The following ACACB variants were observed in gnomAD, a reference collection of about 807,000 sequenced individuals.
ACACB encodes the protein acetyl-CoA carboxylase 2.
ACACB carries 209 observed loss-of-function variants against 278.8 expected under a neutral mutation model. The observed-to-expected ratio is 0.75, with a 90% CI of 0.67 to 0.84. The LOEUF (loss-of-function observed/expected upper bound fraction) is 0.84. Among genes scored for constraint, ACACB ranks in the 40% least tolerant of loss-of-function variants. ACACB has a pLI of 0.00. For synonymous variants in ACACB, 1,174 were observed against 1,285.6 expected, an observed-to-expected ratio of 0.91 and a Z score of 1.86; for missense variants, 2,850 against 3,269.0, an observed-to-expected ratio of 0.87 and a Z score of 3.13.
rs377543207 is a variant in ACACB at position 109,215,752 on chromosome 12, C to T, written c.3351-866C>T. 9.2e-5 allele frequency among the ~76,000 whole-genome samples: 14 copies of T among 151,590 alleles called. No individual in the cohort carries two copies. In the East Asian group the frequency reaches 1.4e-3, roughly 15 times the overall value. On this transcript the variant is annotated intron_variant, in intron 22 of 52. Coordinates refer to ENST00000338432, the MANE Select transcript of ACACB (RefSeq NM_001093.4). ...CCGCACTCCAGCCTGGCCGACTGAGCGAGACTCTGTTTCAAAAAAAAAAAT... is the reference window on the plus strand; with the variant it reads ...CCGCACTCCAGCCTGGCCGACTGAGTGAGACTCTGTTTCAAAAAAAAAAAT...
chr12:109,253,903 T>C (rs1196704819), intron 43 of ACACB, among the ~76,000 whole-genome samples: 31 of 152,224 alleles, frequency 2.0e-4, no homozygotes, highest in Admixed American at 2.0e-3. Flanking sequence ...TCTTTTAAGA[T>C]GTTTTTCCTC....
chr12:109,167,651 A>ATATT (rs2043962943), intron 3 of ACACB, among the ~76,000 whole-genome samples: 2 of 140,442 alleles, frequency 1.4e-5, no homozygotes, highest in Non-Finnish European at 3.1e-5. Flanking sequence ...ATATATATAT[A>ATATT]TATTTCAGAC....
Position 109,264,249 on chromosome 12 carries a change from G to C in ACACB, c.6805G>C (p.Asp2269His), listed in dbSNP as rs764352111. The change falls in exon 50 of 53, where the codon GAC (aspartate) becomes CAC (histidine). Residue 2269 changes from aspartate to histidine, a missense_variant. Asp to His is a moderately conservative substitution (Grantham distance 81). This residue lies in a region of ACACB where 579 missense variants were observed against 684.6 expected (regional missense o/e 0.85). Coordinates refer to ENST00000338432, the MANE Select transcript of ACACB (RefSeq NM_001093.4). ...ACCTGCAGGGGAACCTGATCTCTCC[G>C]ACAAGGACCGAAAGGACCTGGAGGG... Reference protein sequence around the residue: ...MEQLGEPDLSDKDRKDLEGRL... With the variant: ...MEQLGEPDLSHKDRKDLEGRL... The C allele has an allele frequency of 1.4e-5, 22 of 1,613,972 alleles. 1 individual carries two copies. The South Asian group carries it at 2.0e-4, about 14-fold the overall frequency.
intron 2 of ACACB, among the ~76,000 whole-genome samples, chr12:109,163,341 C>T (rs946385317): frequency 3.3e-5 from 5 of 152,136 alleles, no homozygotes; most frequent in Non-Finnish European, 5.9e-5. Flanking sequence ...TTAATATCAT[C>T]GTTGAGGTCA....
chr12:109,134,682 G>A (rs1008398080), intron 1 of ACACB, among the ~76,000 whole-genome samples: 1 of 152,188 alleles, frequency 6.6e-6, no homozygotes, highest in African/African-American at 2.4e-5. Context: ...GAGGCAAAAG[G>A]AGACGGGAAG....
chr12:109,170,207 G>A (rs1461349398), intron 4 of ACACB, among the ~76,000 whole-genome samples: 1 of 152,114 alleles, frequency 6.6e-6, no homozygotes, highest in African/African-American at 2.4e-5. Context: ...TGGGACTTCA[G>A]GCATGTACCA....
At chr12:109,250,719 T>A (rs2047072473) in intron 41 of ACACB, among the ~76,000 whole-genome samples, 1 of 152,068 alleles carries the variant, frequency 6.6e-6, no homozygotes, top group African/African-American at 2.4e-5. Context: ...GTAGTAGTAG[T>A]GGTAGTAGTG....
intron 22 of ACACB, among the ~76,000 whole-genome samples, chr12:109,214,753 C>T (rs868576146): frequency 6.6e-6 from 1 of 152,180 alleles, no homozygotes; most frequent in Non-Finnish European, 1.5e-5. Flanking sequence ...TCCTGAGAAA[C>T]TTGACTCCTG....
At chr12:109,214,759 T>C (rs2045944924) in intron 22 of ACACB, among the ~76,000 whole-genome samples, 1 of 152,218 alleles carries the variant, frequency 6.6e-6, no homozygotes, top group South Asian at 2.1e-4. Context: ...GAAACTTGAC[T>C]CCTGTGTTCA....
chr12:109,231,512 C>G (rs1410656711), intron 28 of ACACB, among the ~76,000 whole-genome samples: 1 of 152,122 alleles, frequency 6.6e-6, no homozygotes, highest in Non-Finnish European at 1.5e-5. Flanking sequence ...TGTCGGGGAG[C>G]AGAGGGGCCA....
rs1593566807 is a variant in ACACB, at chr12:109,209,195, A to T, written c.3091A>T (p.Thr1031Ser). Residue 1031 changes from threonine to serine, a missense_variant, in exon 21 of 53, where the codon ACC (threonine) becomes TCC (serine). Transcript: ENST00000338432. ...LKEWVQKLMMTLRHPSLPLLE... is the reference protein window; with the variant it reads ...LKEWVQKLMMSLRHPSLPLLE... ...GGAGTGGGTGCAGAAGCTCATGATGACCCTCCGGCACCCGTCACTGCCGCT... is the reference window on the plus strand; with the variant it reads ...GGAGTGGGTGCAGAAGCTCATGATGTCCCTCCGGCACCCGTCACTGCCGCT... 2 of 1,605,648 alleles carry T rather than the reference A, an allele frequency of 1.2e-6. No individual in the cohort carries two copies. The highest frequency in any genetic ancestry group is 4.5e-5 in the East Asian group (2 of 44,638).
At chr12:109,201,483 C>A in intron 18 of ACACB, 84 bp from the exon 19 acceptor site, 7 of 1,539,684 alleles carry the variant, frequency 4.5e-6, no homozygotes, top group Non-Finnish European at 6.2e-6. Flanking sequence ...CCCGGCGCGT[C>A]CCTGCTCCGG....
intron 1 of ACACB, among the ~76,000 whole-genome samples, chr12:109,124,566 C>G (rs2042631279): frequency 6.6e-6 from 1 of 152,196 alleles, no homozygotes; most frequent in Admixed American, 6.5e-5. Context: ...CGTAAAGTTC[C>G]CTATCACCCT....
intron 1 of ACACB, among the ~76,000 whole-genome samples, chr12:109,121,129 A>G (rs1452096912): frequency 1.3e-5 from 2 of 151,980 alleles, no homozygotes; most frequent in African/African-American, 4.8e-5. Context: ...TAGTAGAAAC[A>G]GGGTTTCACC....
chr12:109,168,057 C>G (rs1254605582), intron 4 of ACACB, 23 bp downstream of exon 4: 2 of 1,588,904 alleles, frequency 1.3e-6, no homozygotes, highest in African/African-American at 2.7e-5. Context: ...TGACCCTCTC[C>G]TCCCATCACG....
At position 109,179,267 on chromosome 12, in the gene ACACB, C is replaced by T. The variant is rs1481490939; in HGVS notation, c.1617C>T (p.Ala539=). 6.2e-7 allele frequency: 1 copy of T among 1,613,824 alleles called. No homozygotes were observed. The highest frequency in any genetic ancestry group is 8.5e-7 in the Non-Finnish European group (1 of 1,180,008). ...KIVEEAPATI[A]PLAIFEFMEQ... ...TTGAGGAAGCACCGGCCACCATCGC[C>T]CCGCTGGCCATATTCGAGTTCATGG... is the stretch of plus-strand genomic sequence containing the variant. The change falls in exon 10 of 53, where the codon GCC becomes GCT. Residue 539 remains alanine (A), a synonymous_variant. Transcript: ENST00000338432.
rs780429705 is a variant in ACACB at position 109,266,306 on chromosome 12, G to A, written c.7321G>A (p.Glu2441Lys). 1.1e-5 allele frequency: 17 copies of A among 1,613,602 alleles called. No individual in the cohort carries two copies. Among genetic ancestry groups the A allele is most frequent in the Non-Finnish European group, 8.5e-6 (10 of 1,179,994 alleles). The part of the protein sequence containing the change: ...IYLSQHISPA[E>K]RAQVVHLLST... ...CCTGAGCCAGCACATCAGCCCAGCT[G>A]AGCGGGCGCAGGTCGTTCACCTGCT... is the stretch of plus-strand genomic sequence containing the variant. The change falls in exon 53 of 53, where the codon GAG becomes AAG. Residue 2441 changes from glutamate to lysine, a missense_variant. By Grantham distance (56) the Glu-to-Lys change is moderately conservative (BLOSUM62 1). Around this residue, in one of 3 missense-constraint regions of ACACB, gnomAD observed 579 missense variants for 684.6 expected, o/e 0.85. Coordinates refer to ENST00000338432, the MANE Select transcript of ACACB (RefSeq NM_001093.4).
At chr12:109,239,481 G>C (rs1248788670) in intron 34 of ACACB, among the ~76,000 whole-genome samples, 1 of 152,210 alleles carries the variant, frequency 6.6e-6, no homozygotes, top group Non-Finnish European at 1.5e-5. Context: ...GATTGGCTGT[G>C]AATCATCTCA....
chr12:109,135,177 G>T (rs960011058), intron 1 of ACACB, among the ~76,000 whole-genome samples: 1 of 152,100 alleles, frequency 6.6e-6, no homozygotes, highest in African/African-American at 2.4e-5. Flanking sequence ...ACCAACACTT[G>T]TTATTCTCTC....
Sources: gnomAD v4.1 joint callset for allele counts (sites outside exome capture counted in the v4.1 genomes callset) on GRCh38, gnomAD v4.1.1 for gene constraint, gnomAD v4.1.1 regional missense constraint, MANE v1.5 for transcripts, NCBI Gene and HGNC (gene_info 2026-07-23, HGNC 2026-07-21) for gene names.